ADGB: variants seen among roughly 807,000 people sequenced by gnomAD.
The protein encoded by ADGB is calpain-7-like protein.
A neutral mutation model predicts 210.5 loss-of-function variants in ADGB; 172 were observed. That is an observed-to-expected ratio of 0.82 (90% CI 0.72 to 0.93). The LOEUF (loss-of-function observed/expected upper bound fraction) is 0.93, where lower values mean the gene tolerates loss of function less well. ADGB is among the 40% of genes least tolerant of loss of function. The probability of loss-of-function intolerance (pLI) is 0.00; values close to 1 mark genes in which losing one functional copy is unlikely to be tolerated. For synonymous variants in ADGB, 658 were observed against 662.7 expected (o/e 0.99, Z 0.11); for missense variants, 2,025 against 1,964.8 (o/e 1.03, Z -0.58).
intron 25 of ADGB, among the ~76,000 whole-genome samples, chr6:146,744,727 G>A (rs1291126722): frequency 2.0e-5 from 3 of 151,972 alleles, no homozygotes; most frequent in Admixed American, 6.6e-5. Context: ...CTCAGTACTC[G>A]ATTATATAAA....
intron 12 of ADGB, among the ~76,000 whole-genome samples, chr6:146,694,473 AATACCATT>A (rs1435574696): frequency 7.2e-5 from 11 of 152,106 alleles, no homozygotes; most frequent in Non-Finnish European, 1.6e-4. Flanking sequence ...CTCACCTCTT[AATACCATT>A]ATTTCAGGGT....
chr6:146,624,483 TGAAAG>T (rs1162063830), intron 1 of ADGB, among the ~76,000 whole-genome samples: 2 of 151,906 alleles, frequency 1.3e-5, no homozygotes, highest in African/African-American at 4.8e-5. Flanking sequence ...ATCAATCTGA[TGAAAG>T]GTTGTTATAA....
chr6:146,653,030 A>G (rs1241398979), intron 3 of ADGB, among the ~76,000 whole-genome samples: 1 of 152,160 alleles, frequency 6.6e-6, no homozygotes, highest in South Asian at 2.1e-4. Flanking sequence ...CATCACTTGC[A>G]TTACCACCTG....
At chr6:146,796,759 T>C (rs1778049474) in intron 33 of ADGB, among the ~76,000 whole-genome samples, 1 of 151,892 alleles carries the variant, frequency 6.6e-6, no homozygotes, top group East Asian at 1.9e-4. Flanking sequence ...ACCATAAAGA[T>C]TCCAGGAGAT....
chr6:146,788,804 G>GTT (rs1777916693), intron 33 of ADGB, among the ~76,000 whole-genome samples, 194 bp downstream of exon 33: 1 of 152,116 alleles, frequency 6.6e-6, no homozygotes, highest in African/African-American at 2.4e-5. Context: ...TTAACCAAAA[G>GTT]ACAAAAGTGG....
At chr6:146,777,199 C>G (rs2114639103) in intron 29 of ADGB, among the ~76,000 whole-genome samples, 1 of 152,130 alleles carries the variant, frequency 6.6e-6, no homozygotes, top group South Asian at 2.1e-4. Context: ...AAGGGACTAA[C>G]AGGTTCTTTG....
intron 5 of ADGB, among the ~76,000 whole-genome samples, chr6:146,663,177 T>C (rs1245077485): frequency 1.4e-5 from 2 of 141,934 alleles, no homozygotes; most frequent in East Asian, 2.0e-4. Flanking sequence ...TTATATATTA[T>C]ATATTATATA....
At chr6:146,652,456 G>C (rs1362400148) in intron 3 of ADGB, among the ~76,000 whole-genome samples, 2 of 152,048 alleles carry the variant, frequency 1.3e-5, no homozygotes, top group African/African-American at 4.8e-5. Flanking sequence ...TGCTTGTATA[G>C]ATGAGTGAAA....
At chr6:146,659,651 A>G (rs1775829078) in intron 5 of ADGB, among the ~76,000 whole-genome samples, 1 of 152,316 alleles carries the variant, frequency 6.6e-6, no homozygotes, top group South Asian at 2.1e-4. Flanking sequence ...AGTAAATTGT[A>G]TCAAGTTCTT....
chr6:146,780,833 G>A (rs1777787983), intron 29 of ADGB, among the ~76,000 whole-genome samples: 1 of 152,068 alleles, frequency 6.6e-6, no homozygotes, highest in South Asian at 2.1e-4. Flanking sequence ...GAACAACTCT[G>A]TAAACCAACT....
chr6:146,782,228 T>C (rs1777811978), intron 30 of ADGB, 36 bp downstream of exon 30: 1 of 1,457,656 alleles, frequency 6.9e-7, no homozygotes, highest in South Asian at 1.5e-5. Flanking sequence ...AGTGACTTAA[T>C]GATTTTAGGT....
chr6:146,692,802 A>G, intron 11 of ADGB, 23 bp from the exon 12 acceptor site: 1 of 1,321,404 alleles, frequency 7.6e-7, no homozygotes, highest in Non-Finnish European at 1.0e-6. Context: ...TGTACATCAT[A>G]CTTTCTAACT....
intron 16 of ADGB, among the ~76,000 whole-genome samples, chr6:146,720,065 T>A (rs1196828481): frequency 6.6e-6 from 1 of 151,878 alleles, no homozygotes; most frequent in Non-Finnish European, 1.5e-5. Flanking sequence ...AACTTTTTTT[T>A]AATATTGTGG....
At chr6:146,710,124 T>C (rs1167095162) in intron 13 of ADGB, among the ~76,000 whole-genome samples, 1 of 150,892 alleles carries the variant, frequency 6.6e-6, no homozygotes, top group African/African-American at 2.4e-5. Flanking sequence ...TCATATATAA[T>C]CATATTACAT....
chr6:146,766,700 T>C (rs1385210285), intron 28 of ADGB, among the ~76,000 whole-genome samples: 3 of 152,110 alleles, frequency 2.0e-5, no homozygotes, highest in Admixed American at 2.0e-4. Context: ...AAAAGTAATT[T>C]CTTACGGAAA....
At chr6:146,754,344 C>G (rs1777371262) in intron 27 of ADGB, among the ~76,000 whole-genome samples, 2 of 151,382 alleles carry the variant, frequency 1.3e-5, no homozygotes, top group South Asian at 4.2e-4. Flanking sequence ...ATTATTCAAA[C>G]CCGAATGGCT....
chr6:146,756,980 G>C (rs11155485), intron 27 of ADGB, among the ~76,000 whole-genome samples: 36,357 of 151,820 alleles, frequency 0.24, 4,479 homozygotes, highest in Middle Eastern at 0.31. Context: ...ACCTGCATCA[G>C]CTTCCCCAAG....
chr6:146,599,047 T>C lies in ADGB; in HGVS notation c.7T>C (p.Ser3Pro). The change falls in exon 1 of 36, where the codon TCC becomes CCC. Residue 3 changes from serine to proline, a missense_variant. By Grantham distance (74) the Ser-to-Pro change is moderately conservative (BLOSUM62 -1). Transcript: ENST00000397944. MA[S>P]KQTKKKEVHR... ...ACATAGATCGGCTTCTGCCATGGCC[T>C]CCAAACAAACCAAAAAGAAAGAGGT... The C allele has an allele frequency of 6.4e-7, 1 of 1,551,646 alleles. No homozygotes were observed. Among genetic ancestry groups the C allele is most frequent in the South Asian group, 1.2e-5 (1 of 84,062 alleles).
Position 146,764,113 on chromosome 6 carries a change from C to T in ADGB, c.3750+13C>T, listed in dbSNP as rs1338486637. 1 of 1,513,736 alleles carries T rather than the reference C, an allele frequency of 6.6e-7. No homozygotes were observed. Among genetic ancestry groups the T allele is most frequent in the Admixed American group, 2.3e-5 (1 of 43,950 alleles). 93.8% of individuals were successfully genotyped at this position (1,513,736 alleles called of 1,614,324 possible). A position where few individuals can be genotyped will look rare whatever the true frequency, so the allele number is the denominator to read the frequency against. ...CACACCACTGCAGGTATATTAAAAA[C>T]AATTGTTCAATTGGACTGTTCCTAA... On this transcript the variant is annotated intron_variant, in intron 28 of 35. Transcript: ENST00000397944.
Sources: gnomAD v4.1 joint callset for allele counts (sites outside exome capture counted in the v4.1 genomes callset) on GRCh38, gnomAD v4.1.1 for gene constraint, MANE v1.5 for transcripts, NCBI Gene and HGNC (gene_info 2026-07-23, HGNC 2026-07-21) for gene names.